Variants in SLC43A2 observed in about 807,000 individuals in gnomAD.
SLC43A2 encodes the protein solute carrier family 43 member 2.
In SLC43A2, 38 loss-of-function variants were observed where a neutral mutation model predicts 63.2. The ratio of observed to expected loss-of-function variants is 0.60; its 90% CI spans 0.46 to 0.79. SLC43A2 has a LOEUF of 0.79. SLC43A2 is among the 30% of genes least tolerant of loss of function. The pLI, the probability that SLC43A2 is intolerant of heterozygous loss-of-function variation, is 0.00. For synonymous variants in SLC43A2, 322 were observed against 331.0 expected (o/e 0.97, Z 0.30); for missense variants, 644 against 756.2 (o/e 0.85, Z 1.74).
chr17:1,571,506 C>T lies in SLC43A2; in HGVS notation c.*4098G>A, dbSNP rs983366982. 2.0e-5 allele frequency: 3 copies of T among 152,252 alleles called. No individual in the cohort carries two copies. Among genetic ancestry groups the T allele is most frequent in the African/African-American group, 4.8e-5 (2 of 41,454 alleles). 9.4% of individuals were successfully genotyped at this position (152,252 alleles called of 1,614,324 possible). On this transcript the variant is annotated 3_prime_UTR_variant, in exon 14 of 14. Transcript: ENST00000301335. This position sits in a 1 kb window ranked among gnomAD's most constrained non-coding sequence, Gnocchi z 5.2. ...TCACGCGGCTGCCACACAAGTGCGT[C>T]GGAAACTCCACTTGGCTGAACGTGA... is the stretch of plus-strand genomic sequence containing the variant.
intron 9 of SLC43A2, among the ~76,000 whole-genome samples, chr17:1,587,670 C>T (rs4790660): frequency 3.3e-5 from 5 of 152,060 alleles, no homozygotes; most frequent in South Asian, 2.1e-4. Flanking sequence ...GCTCCTCCAT[C>T]ACTCCAGGCC....
chr17:1,602,420 C>A (rs535631923), intron 5 of SLC43A2, among the ~76,000 whole-genome samples: 2 of 152,184 alleles, frequency 1.3e-5, no homozygotes, highest in East Asian at 1.9e-4. Flanking sequence ...CCGAGGCAAG[C>A]GGATCACCTG....
At chr17:1,612,494 G>T (rs527359916) in intron 5 of SLC43A2, among the ~76,000 whole-genome samples, 1 of 152,358 alleles carries the variant, frequency 6.6e-6, no homozygotes, top group Non-Finnish European at 1.5e-5. Flanking sequence ...AAAGGTTGAG[G>T]CAGTTCCACG....
intron 12 of SLC43A2, 50 bp from the exon 13 acceptor site, chr17:1,576,770 T>A: frequency 6.3e-7 from 1 of 1,590,284 alleles, no homozygotes; most frequent in East Asian, 2.3e-5. Context: ...GGGCTTTGCT[T>A]GGCCCCAGGT....
At chr17:1,623,819 TACCCTCCTCTCCTCCA>T (rs1908395950) in intron 2 of SLC43A2, among the ~76,000 whole-genome samples, 1 of 148,868 alleles carries the variant, frequency 6.7e-6, no homozygotes, top group Admixed American at 6.7e-5. Context: ...CTCCAGGGTG[TACCCTCCTCTCCTCCA>T]GGCTGTACCC....
At chr17:1,612,398 G>T (rs73282993) in intron 5 of SLC43A2, among the ~76,000 whole-genome samples, 11 of 152,294 alleles carry the variant, frequency 7.2e-5, no homozygotes, top group African/African-American at 2.6e-4. Flanking sequence ...TCCCCCAGGC[G>T]ACTGTCTGTG....
intron 5 of SLC43A2, among the ~76,000 whole-genome samples, chr17:1,610,025 T>G (rs1430022421): frequency 6.6e-6 from 1 of 151,994 alleles, no homozygotes; most frequent in Non-Finnish European, 1.5e-5. Context: ...TTCTCCTGCC[T>G]CAGTCTCCCA....
Position 1,572,029 on chromosome 17 carries a change from T to TA in SLC43A2, c.*3574_*3575insT, listed in dbSNP as rs2075853452. 1 of 152,220 alleles carries TA rather than the reference T, an allele frequency of 6.6e-6. No individual in the cohort carries two copies. Among genetic ancestry groups the TA allele is most frequent in the Non-Finnish European group, 1.5e-5 (1 of 68,276 alleles). The allele number at this position is 152,220 out of a possible 1,614,324, so 9.4% of individuals were successfully genotyped here. A position where few individuals can be genotyped will look rare whatever the true frequency, so the allele number is the denominator to read the frequency against. On this transcript the variant is annotated 3_prime_UTR_variant, in exon 14 of 14. Coordinates refer to ENST00000301335, the MANE Select transcript of SLC43A2 (RefSeq NM_152346.3). ...AGGGGCAGACGGGAGGCCCGGCCAC[T>TA]GGTGCCTGCTCCTTTGATCAGCTGT...
intron 6 of SLC43A2, 36 bp from the exon 7 acceptor site, chr17:1,591,735 G>GCCCCCC: frequency 1.5e-6 from 1 of 652,928 alleles, no homozygotes; most frequent in Non-Finnish European, 2.5e-6. Context: ...GGGGGGGGGA[G>GCCCCCC]GGGGCAGAGT....
At chr17:1,585,280 G>A (rs1330853722) in intron 10 of SLC43A2, 3 of 998,888 alleles carry the variant, frequency 3.0e-6, no homozygotes, top group Non-Finnish European at 3.6e-6. Context: ...TTGCTCTGTT[G>A]CCCAGGCTGG....
At chr17:1,618,605 G>A (rs1271392908) in intron 2 of SLC43A2, among the ~76,000 whole-genome samples, 1 of 152,226 alleles carries the variant, frequency 6.6e-6, no homozygotes, top group Non-Finnish European at 1.5e-5. Flanking sequence ...TGTGAGCCCC[G>A]AAGGGCAGGG....
intron 2 of SLC43A2, among the ~76,000 whole-genome samples, chr17:1,626,844 G>A (rs1908706625): frequency 6.6e-6 from 1 of 152,112 alleles, no homozygotes; most frequent in Admixed American, 6.5e-5. Context: ...AAAATTTCCT[G>A]TCAAGGTTGC....
Position 1,613,250 on chromosome 17 carries a change from A to G in SLC43A2, c.446T>C (p.Ile149Thr), listed in dbSNP as rs769369290. 27 of 1,614,032 alleles carry G rather than the reference A, an allele frequency of 1.7e-5. No homozygotes were observed. In the Admixed American group the frequency reaches 4.5e-4, roughly 27 times the overall value. ...ACCAAAGCCATTCAGAGCCAGGGCG[A>G]TGAAGATGAGCACGGAGAGAGCTGC... Reference protein sequence around the residue: ...KPNALSVLIFIALALNGFGGM... With the variant: ...KPNALSVLIFTALALNGFGGM... The change falls in exon 5 of 14, where the codon ATC becomes ACC. Residue 149 changes from isoleucine to threonine, a missense_variant. By Grantham distance (89) the Ile-to-Thr change is moderately conservative. Transcript: ENST00000301335.
intron 5 of SLC43A2, among the ~76,000 whole-genome samples, chr17:1,611,528 G>A (rs1907104901): frequency 6.6e-6 from 1 of 151,794 alleles, no homozygotes; most frequent in African/African-American, 2.4e-5. Flanking sequence ...CCAACTACTC[G>A]GGAGGCTGAG....
Position 1,585,906 on chromosome 17 carries a change from T to C in SLC43A2, c.1217+7A>G, listed in dbSNP as rs1417434593. ...TGGGAGCCGGGGCACCGGCCCTGCCTACGCACTGGTTGGCGTCTTTCTCCT... is the reference window on the plus strand; with the variant it reads ...TGGGAGCCGGGGCACCGGCCCTGCCCACGCACTGGTTGGCGTCTTTCTCCT... On this transcript the variant is annotated splice_region_variant and intron_variant, in intron 10 of 13. Coordinates refer to ENST00000301335, the MANE Select transcript of SLC43A2 (RefSeq NM_152346.3). 1.9e-6 allele frequency: 3 copies of C among 1,613,606 alleles called. No individual in the cohort carries two copies. The highest frequency in any genetic ancestry group is 2.7e-5 in the African/African-American group (2 of 74,942).
Position 1,589,554 on chromosome 17 carries a change from C to A in SLC43A2, c.1078+1248G>T, listed in dbSNP as rs934137647. Among the ~76,000 whole-genome samples the A allele has an allele frequency of 7.9e-5, 12 of 152,054 alleles. 1 individual carries two copies. The South Asian group carries it at 8.3e-4, about 11-fold the overall frequency. On this transcript the variant is annotated intron_variant, in intron 9 of 13. Transcript: ENST00000301335. ...CAGCCTAAGCAACGCAGAAAGAGACCCTGCCTCAAAAAAACAAGAAAGAAA... is the reference window on the plus strand; with the variant it reads ...CAGCCTAAGCAACGCAGAAAGAGACACTGCCTCAAAAAAACAAGAAAGAAA...
chr17:1,627,809 C>A lies in SLC43A2; in HGVS notation c.66G>T (p.Glu22Asp). Reference protein sequence around the residue: ...RWWMACTAVLENLLFSAVLLG... With the variant: ...RWWMACTAVLDNLLFSAVLLG... ...GGAGGACTGCCGAGAAGAGGAGGTTCTCCAGCACGGCCGTGCAGGCCATCC... is the reference window on the plus strand; with the variant it reads ...GGAGGACTGCCGAGAAGAGGAGGTTATCCAGCACGGCCGTGCAGGCCATCC... The change falls in exon 2 of 14, where the codon GAG becomes GAT. Residue 22 changes from glutamate (E) to aspartate (D), a missense_variant. By Grantham distance (45) the Glu-to-Asp change is conservative. Around this residue, in one of 3 missense-constraint regions of SLC43A2, gnomAD observed 528 missense variants for 623.6 expected, o/e 0.85. Transcript: ENST00000301335. 1 of 1,596,422 alleles carries A rather than the reference C, an allele frequency of 6.3e-7. No homozygotes were observed. The highest frequency in any genetic ancestry group is 8.5e-7 in the Non-Finnish European group (1 of 1,171,816).
chr17:1,590,963 T>C lies in SLC43A2; in HGVS notation c.932-15A>G. On this transcript the variant is annotated splice_polypyrimidine_tract_variant and intron_variant, in intron 8 of 13. Coordinates refer to ENST00000301335, the MANE Select transcript of SLC43A2 (RefSeq NM_152346.3). ...GGAGGGGGCCACTGCAGGGAGAGGG[T>C]GCGGGGCTCAGGGCCGGGGCACACT... The C allele has an allele frequency of 6.5e-7, 1 of 1,547,998 alleles. No individual in the cohort carries two copies. The highest frequency in any genetic ancestry group is 8.7e-7 in the Non-Finnish European group (1 of 1,146,558).
chr17:1,628,867 A>C (rs1908942402), upstream of SLC43A2: 1 of 151,208 alleles, frequency 6.6e-6, no homozygotes. Flanking sequence ...TTTTATTCCG[A>C]CCCCAAGAAG....
Sources: allele counts gnomAD v4.1 joint callset (sites outside exome capture counted in the v4.1 genomes callset), GRCh38; gene constraint gnomAD v4.1.1; regional missense constraint gnomAD v4.1.1; non-coding constraint Gnocchi (gnomAD v3.1); transcripts MANE v1.5; gene names NCBI Gene and HGNC (gene_info 2026-07-23, HGNC 2026-07-21).